Variants in RASA3 observed in about 807,000 individuals in gnomAD.
RASA3 encodes ras GTPase-activating protein 3.
RASA3 carries 73 observed loss-of-function variants against 110.0 expected under a neutral mutation model. The ratio of observed to expected loss-of-function variants is 0.66; its 90% CI spans 0.55 to 0.81. RASA3 has a LOEUF of 0.81. Among genes scored for constraint, RASA3 ranks in the 30% least tolerant of loss-of-function variants. The pLI is 0.00. For synonymous variants in RASA3, 500 were observed against 451.4 expected (o/e 1.11, Z -1.37); for missense variants, 976 against 1,113.2 (o/e 0.88, Z 1.75).
rs530716335 is a variant in RASA3, at chr13:114,077,332, G to A, written c.56-3495C>T. 2.9e-4 allele frequency among the ~76,000 whole-genome samples: 44 copies of A among 150,248 alleles called. No individual in the cohort carries two copies. The South Asian group carries it at 3.6e-3, about 12-fold the overall frequency. The stretch of plus-strand genomic sequence containing the variant: ...CCAGTCCCACCGCACTGGCACCAAC[G>A]CACCAGGTTCCTCCATCCCTGCCTG... On this transcript the variant is annotated intron_variant, in intron 1 of 23. Coordinates refer to ENST00000334062, the MANE Select transcript of RASA3 (RefSeq NM_007368.4).
At chr13:114,105,606 G>A (rs532494011) in intron 1 of RASA3, among the ~76,000 whole-genome samples, 25 of 152,328 alleles carry the variant, frequency 1.6e-4, no homozygotes, top group African/African-American at 5.1e-4. Flanking sequence ...TCCGGGGCCA[G>A]CACTGACCAG....
At chr13:114,053,980 GC>G (rs1317690520) in intron 2 of RASA3, among the ~76,000 whole-genome samples, 6 of 152,064 alleles carry the variant, frequency 3.9e-5, no homozygotes, top group African/African-American at 1.4e-4. Flanking sequence ...ACAAAAATTA[GC>G]AGGGCATGGT....
chr13:114,126,506 C>T (rs2080451463), intron 1 of RASA3, among the ~76,000 whole-genome samples: 1 of 151,528 alleles, frequency 6.6e-6, no homozygotes, highest in Non-Finnish European at 1.5e-5. Context: ...AGCCACCTCT[C>T]TCTTCAGGAG....
chr13:114,008,270 C>A (rs546567510), intron 17 of RASA3, among the ~76,000 whole-genome samples: 1 of 67,428 alleles, frequency 1.5e-5, no homozygotes. Context: ...ATTCCCCCCA[C>A]GCACCGCGTT....
chr13:113,991,805 CAA>C (rs1390023557), intron 22 of RASA3, among the ~76,000 whole-genome samples: 2 of 152,180 alleles, frequency 1.3e-5, no homozygotes, highest in African/African-American at 4.8e-5. Flanking sequence ...CACATGTGCC[CAA>C]AGACATACAT....
At position 114,065,101 on chromosome 13, in the gene RASA3, T is replaced by C. The variant is rs1026879957; in HGVS notation, c.173+8619A>G. Reference sequence around the variant, plus strand: ...GAAAACAGAGTTGACCTTTAAGTAGTGGCTCTGATGAGGGGAAACCATCTG... The same window carrying C: ...GAAAACAGAGTTGACCTTTAAGTAGCGGCTCTGATGAGGGGAAACCATCTG... On this transcript the variant is annotated intron_variant, in intron 2 of 23. Coordinates refer to ENST00000334062, the MANE Select transcript of RASA3 (RefSeq NM_007368.4). This position sits in a 1 kb window ranked among gnomAD's most constrained non-coding sequence, Gnocchi z 4.1. 3.3e-5 allele frequency among the ~76,000 whole-genome samples: 5 copies of C among 152,252 alleles called. No homozygotes were observed. Among genetic ancestry groups the C allele is most frequent in the Admixed American group, 2.6e-4 (4 of 15,292 alleles).
intron 1 of RASA3, among the ~76,000 whole-genome samples, chr13:114,091,825 G>A (rs368391000): frequency 3.3e-5 from 5 of 151,910 alleles, no homozygotes; most frequent in African/African-American, 9.7e-5. Flanking sequence ...TCAGGGCCTG[G>A]GCTTTTTCTT....
In RASA3 at chr13:114,020,860, C is replaced by T. The variant is rs563629960; in HGVS notation, c.785+544G>A. On this transcript the variant is annotated intron_variant, in intron 9 of 23. Transcript: ENST00000334062. ...GCTGCCGAGGGCCCAGAACAAGACCCGGAGCGCAGCCGCGGCGCAGCCCTG... is the reference window on the plus strand; with the variant it reads ...GCTGCCGAGGGCCCAGAACAAGACCTGGAGCGCAGCCGCGGCGCAGCCCTG... 3.3e-5 allele frequency among the ~76,000 whole-genome samples: 5 copies of T among 152,344 alleles called. No homozygotes were observed. In the South Asian group the frequency reaches 6.2e-4, roughly 19 times the overall value.
chr13:113,999,718 G>A (rs1296784046), intron 19 of RASA3, 51 bp from the exon 20 acceptor site: 2 of 1,525,114 alleles, frequency 1.3e-6, no homozygotes, highest in African/African-American at 2.8e-5. Context: ...GTCCCGGCTG[G>A]GGTCCGGGTG....
In RASA3 at chr13:113,999,684, C is replaced by T; in HGVS notation, c.1850-17G>A. ...GCTGGTCCCCTGCAGCAGAGATGGA[C>T]TGTCAGTGGGTGCGGGCCCCGCTGT... is the stretch of plus-strand genomic sequence containing the variant. On this transcript the variant is annotated splice_polypyrimidine_tract_variant and intron_variant, in intron 19 of 23. Transcript: ENST00000334062. 7 of 1,604,058 alleles carry T rather than the reference C, an allele frequency of 4.4e-6. No individual in the cohort carries two copies. The highest frequency in any genetic ancestry group is 1.1e-5 in the South Asian group (1 of 90,750).
rs964894930 is a variant in RASA3, at chr13:114,115,414, C to T, written c.55+17021G>A. On this transcript the variant is annotated intron_variant, in intron 1 of 23. Coordinates refer to ENST00000334062, the MANE Select transcript of RASA3 (RefSeq NM_007368.4). This position sits in a 1 kb window ranked among gnomAD's most constrained non-coding sequence, Gnocchi z 5.0. The stretch of plus-strand genomic sequence containing the variant: ...CAAAACATAAGGCTTGGGTTAGTGT[C>T]GGGCACGCGGGGGAGGTGCCTGCCT... Among the ~76,000 whole-genome samples, 2 of 152,176 alleles carry T rather than the reference C, an allele frequency of 1.3e-5. No homozygotes were observed. The highest frequency in any genetic ancestry group is 2.4e-5 in the African/African-American group (1 of 41,442).
chr13:114,040,590 G>T (rs11840937), intron 4 of RASA3, among the ~76,000 whole-genome samples: 2 of 60,052 alleles, frequency 3.3e-5, no homozygotes, highest in Non-Finnish European at 5.9e-5. Context: ...AATCCATGGC[G>T]GAGCCCGCGC....
At chr13:114,043,837 G>GCCCCCCCCCCCCCC (rs544129523) in intron 3 of RASA3, among the ~76,000 whole-genome samples, 10 of 22,824 alleles carry the variant, frequency 4.4e-4, no homozygotes, top group African/African-American at 2.8e-3. Flanking sequence ...CACTCGCTGA[G>GCCCCCCCCCCCCCC]CCCCCCGCCC....
intron 2 of RASA3, among the ~76,000 whole-genome samples, chr13:114,070,789 C>A (rs2079558110): frequency 1.5e-5 from 2 of 131,728 alleles, no homozygotes. Flanking sequence ...CTGCCGGCGT[C>A]CACGCTAAAC....
Position 114,007,527 on chromosome 13 carries a change from C to A in RASA3, c.1742+6G>T. 2 of 1,609,530 alleles carry A rather than the reference C, an allele frequency of 1.2e-6. No homozygotes were observed. Among genetic ancestry groups the A allele is most frequent in the South Asian group, 1.1e-5 (1 of 90,926 alleles). The stretch of plus-strand genomic sequence containing the variant: ...GCCCTGCCAGACGCCACCTTACCCT[C>A]CTTACCCTTCTTTAAGCACGATGGG... On this transcript the variant is annotated splice_donor_region_variant and intron_variant, in intron 18 of 23. Coordinates refer to ENST00000334062, the MANE Select transcript of RASA3 (RefSeq NM_007368.4).
Position 114,048,321 on chromosome 13 carries a change from A to T in RASA3, c.277+3731T>A, listed in dbSNP as rs1029999587. On this transcript the variant is annotated intron_variant, in intron 3 of 23. Coordinates refer to ENST00000334062, the MANE Select transcript of RASA3 (RefSeq NM_007368.4). The surrounding 1 kb of genome is among the most constrained non-coding windows in gnomAD (Gnocchi z 4.3). ...CAGAAAGAGACTCCGTCTCAAAAAAAAAAAAAAAGAAGAAGAAAAGAATGG... is the reference window on the plus strand; with the variant it reads ...CAGAAAGAGACTCCGTCTCAAAAAATAAAAAAAAGAAGAAGAAAAGAATGG... Among the ~76,000 whole-genome samples the T allele has an allele frequency of 6.6e-5, 10 of 151,636 alleles. No homozygotes were observed. Among genetic ancestry groups the T allele is most frequent in the African/African-American group, 2.4e-4 (10 of 41,268 alleles).
chr13:114,073,970 A>T (rs2079624608), intron 1 of RASA3, 133 bp from the exon 2 acceptor site: 2 of 790,788 alleles, frequency 2.5e-6, no homozygotes, highest in Non-Finnish European at 4.3e-6. Flanking sequence ...TTTTGCCACC[A>T]CAAGTCAAAA....
chr13:114,103,917 A>C (rs1360022864), intron 1 of RASA3, among the ~76,000 whole-genome samples: 1 of 56,798 alleles, frequency 1.8e-5, no homozygotes, highest in Non-Finnish European at 3.4e-5. Context: ...ACGGACACCC[A>C]CCCCCGATGC....
intron 1 of RASA3, among the ~76,000 whole-genome samples, chr13:114,117,515 G>T (rs369006924): frequency 1.3e-4 from 19 of 147,556 alleles, no homozygotes; most frequent in Middle Eastern, 3.9e-3. Flanking sequence ...ATCTGTGGGT[G>T]AGCATGTGCG....
Sources: gnomAD v4.1 joint callset for allele counts (sites outside exome capture counted in the v4.1 genomes callset) on GRCh38, gnomAD v4.1.1 for gene constraint, Gnocchi (gnomAD v3.1) non-coding constraint, MANE v1.5 for transcripts, NCBI Gene and HGNC (gene_info 2026-07-23, HGNC 2026-07-21) for gene names.